The following DDT variants were observed in gnomAD, a reference collection of about 807,000 sequenced individuals.
DDT encodes the protein D-dopachrome tautomerase, also known as D-dopachrome decarboxylase.
In DDT, 4 loss-of-function variants were observed where a neutral mutation model predicts 2.5. The observed-to-expected ratio is 1.59, with a 90% CI of 0.78 to 3.63. The LOEUF (loss-of-function observed/expected upper bound fraction) is 3.63, where lower values mean the gene tolerates loss of function less well. Ranked by LOEUF, DDT falls within the 30% of genes most tolerant of loss-of-function variation. The pLI is 0.01. For missense variants in DDT, 32 were observed against 30.0 expected, an observed-to-expected ratio of 1.07 and a Z score of -0.15; for synonymous variants, 11 against 10.0, an observed-to-expected ratio of 1.10 and a Z score of -0.19.
intron 2 of DDT, chr22:23,971,944 C>G (rs2033913715): frequency 3.9e-6 from 1 of 254,994 alleles, no homozygotes; most frequent in Non-Finnish European, 7.3e-6. Flanking sequence ...ATTGCAGGCT[C>G]CCTAAGGGCA....
intron 2 of DDT, chr22:23,972,069 G>A (rs9612528): frequency 0.095 from 61,981 of 653,882 alleles, 3,279 homozygotes; most frequent in Non-Finnish European, 0.11. Context: ...AGAGGTAACA[G>A]CAAGTTTCCA....
At chr22:23,972,043 T>A in intron 2 of DDT, 1 of 434,938 alleles carries the variant, frequency 2.3e-6, no homozygotes, top group Non-Finnish European at 3.1e-6. Context: ...GGGCCATAAG[T>A]GAACATGCCC....
chr22:23,971,483 A>T lies in DDT; in HGVS notation c.*68T>A. On this transcript the variant is annotated 3_prime_UTR_variant, in exon 3 of 3. Coordinates refer to ENST00000398344, the MANE Select transcript of DDT (RefSeq NM_001084392.3). The stretch of plus-strand genomic sequence containing the variant: ...CAAAGCTGGTTATCTCCAGGCCCTC[A>T]CTCTGCCAAGAGATCTCTCTGGAAG... 6.2e-7 allele frequency: 1 copy of T among 1,608,430 alleles called. No homozygotes were observed. The highest frequency in any genetic ancestry group is 1.1e-5 in the South Asian group (1 of 90,592).
At position 23,971,425 on chromosome 22, in the gene DDT, T is replaced by C. The variant is rs2033898717; in HGVS notation, c.*126A>G. ...CATATGAGGATGAAGAAGAGGATTA[T>C]GTGATCACAGGAATGTTGCATGCGG... is the stretch of plus-strand genomic sequence containing the variant. On this transcript the variant is annotated 3_prime_UTR_variant, in exon 3 of 3. Coordinates refer to ENST00000398344, the MANE Select transcript of DDT (RefSeq NM_001084392.3). The C allele has an allele frequency of 1.2e-6, 2 of 1,612,010 alleles. No individual in the cohort carries two copies. Among genetic ancestry groups the C allele is most frequent in the East Asian group, 4.5e-5 (2 of 44,866 alleles).
chr22:23,971,400 C>A lies in DDT; in HGVS notation c.*151G>T, dbSNP rs771427095. 3 of 1,613,354 alleles carry A rather than the reference C, an allele frequency of 1.9e-6. No homozygotes were observed. The East Asian group carries it at 6.7e-5, about 36-fold the overall frequency. The stretch of plus-strand genomic sequence containing the variant: ...ATGAGGAAGCTCTCTTCATTTATTT[C>A]ATATGAGGATGAAGAAGAGGATTAT... On this transcript the variant is annotated 3_prime_UTR_variant, in exon 3 of 3. Transcript: ENST00000398344.
At chr22:23,971,735 AC>A in intron 2 of DDT, 112 bp from the exon 3 acceptor site, 5 of 965,776 alleles carry the variant, frequency 5.2e-6, no homozygotes, top group South Asian at 3.3e-5. Flanking sequence ...GCCTCAGTCC[AC>A]CAGGCATTTT....
rs1353483021 is a variant in DDT, at chr22:23,971,881, G to A, written c.285-258C>T. On this transcript the variant is annotated intron_variant, in intron 2 of 2. Coordinates refer to ENST00000398344, the MANE Select transcript of DDT (RefSeq NM_001084392.3). Reference sequence around the variant, plus strand: ...ATACAGTAGCCTCGGTGTGTGTGCCGTACACTCTATCATCTCCATCAGTTT... The same window carrying A: ...ATACAGTAGCCTCGGTGTGTGTGCCATACACTCTATCATCTCCATCAGTTT... 18 of 462,924 alleles carry A rather than the reference G, an allele frequency of 3.9e-5. 1 individual carries two copies. The highest frequency in any genetic ancestry group is 2.9e-4 in the East Asian group (7 of 24,420). The allele number at this position is 462,924 out of a possible 1,614,324, so 28.7% of individuals were successfully genotyped here.
chr22:23,972,034 G>T (rs939001147), intron 2 of DDT: 79 of 374,396 alleles, frequency 2.1e-4, no homozygotes, highest in South Asian at 5.3e-4. Flanking sequence ...CTAATGTCTG[G>T]GCCATAAGTG....
Position 23,971,489 on chromosome 22 carries a change from C to T in DDT, c.*62G>A, listed in dbSNP as rs2033900886. ...TGGTTATCTCCAGGCCCTCACTCTG[C>T]CAAGAGATCTCTCTGGAAGAAGCAG... On this transcript the variant is annotated 3_prime_UTR_variant, in exon 3 of 3. Coordinates refer to ENST00000398344, the MANE Select transcript of DDT (RefSeq NM_001084392.3). 1 of 1,608,942 alleles carries T rather than the reference C, an allele frequency of 6.2e-7. No individual in the cohort carries two copies. Among genetic ancestry groups the T allele is most frequent in the East Asian group, 2.2e-5 (1 of 44,812 alleles).
Position 23,971,518 on chromosome 22 carries a change from G to C in DDT, c.*33C>G. ...GAGATCTCTCTGGAAGAAGCAGCCA[G>C]TTCACAGATGCCCTGGATCCCTCCG... is the stretch of plus-strand genomic sequence containing the variant. On this transcript the variant is annotated 3_prime_UTR_variant, in exon 3 of 3. Coordinates refer to ENST00000398344, the MANE Select transcript of DDT (RefSeq NM_001084392.3). The C allele has an allele frequency of 6.2e-7, 1 of 1,612,566 alleles. No individual in the cohort carries two copies. The highest frequency in any genetic ancestry group is 8.5e-7 in the Non-Finnish European group (1 of 1,179,046).
intron 2 of DDT, 64 bp from the exon 3 acceptor site, chr22:23,971,687 CT>C (rs2033907556): frequency 6.9e-7 from 1 of 1,452,626 alleles, no homozygotes; most frequent in Non-Finnish European, 9.5e-7. Flanking sequence ...TGCAAGACCC[CT>C]GCCAGGTACT....
At chr22:23,971,880 C>G (rs115319739) in intron 2 of DDT, 2 of 467,764 alleles carry the variant, frequency 4.3e-6, no homozygotes, top group Non-Finnish European at 7.6e-6. Context: ...GTGTGTGTGC[C>G]GTACACTCTA....
chr22:23,972,066 A>G, intron 2 of DDT: 1 of 621,590 alleles, frequency 1.6e-6, no homozygotes, highest in Middle Eastern at 8.0e-4. Flanking sequence ...CTCAGAGGTA[A>G]CAGCAAGTTT....
At chr22:23,972,020 G>T in intron 2 of DDT, 1 of 321,684 alleles carries the variant, frequency 3.1e-6, no homozygotes, top group Non-Finnish European at 4.5e-6. Context: ...CACCAACCCC[G>T]CCACTAATGT....
At position 23,972,547 on chromosome 22, in the gene DDT, C is replaced by T. The variant is rs1296418389; in HGVS notation, c.285-924G>A. ...ATAATGACAAGGAATAAAGTCTATA[C>T]GTATTTTCAGTATAGATGCAATTAT... On this transcript the variant is annotated intron_variant, in intron 2 of 2. Coordinates refer to ENST00000398344, the MANE Select transcript of DDT (RefSeq NM_001084392.3). The T allele has an allele frequency of 7.2e-5, 71 of 985,406 alleles. No individual in the cohort carries two copies. The South Asian group carries it at 1.1e-3, about 15-fold the overall frequency. The allele number at this position is 985,406 out of a possible 1,614,324, so 61.0% of individuals were successfully genotyped here. A position where few individuals can be genotyped will look rare whatever the true frequency, so the allele number is the denominator to read the frequency against.
chr22:23,971,444 C>G lies in DDT; in HGVS notation c.*107G>C. 8.1e-6 allele frequency: 13 copies of G among 1,608,212 alleles called. No homozygotes were observed. Among genetic ancestry groups the G allele is most frequent in the Non-Finnish European group, 1.0e-5 (12 of 1,176,290 alleles). On this transcript the variant is annotated 3_prime_UTR_variant, in exon 3 of 3. Coordinates refer to ENST00000398344, the MANE Select transcript of DDT (RefSeq NM_001084392.3). ...GGATTATGTGATCACAGGAATGTTG[C>G]ATGCGGGATAATCCAAAGCTGGTTA...
chr22:23,971,970 C>T (rs1269594867), intron 2 of DDT: 2 of 217,694 alleles, frequency 9.2e-6, no homozygotes, highest in East Asian at 2.7e-4. Flanking sequence ...CCTCAGCCAC[C>T]TGTTTTCTCA....
upstream of DDT, among the ~76,000 whole-genome samples, chr22:23,975,370 C>G (rs2033943174): frequency 6.8e-6 from 1 of 147,418 alleles, no homozygotes; most frequent in Admixed American, 6.7e-5. Context: ...GCCTGGGTGA[C>G]AGAGCGAGAC....
rs1038342504 is a variant in DDT at position 23,971,408 on chromosome 22, G to A, written c.*143C>T. On this transcript the variant is annotated 3_prime_UTR_variant, in exon 3 of 3. Transcript: ENST00000398344. ...GCTCTCTTCATTTATTTCATATGAG[G>A]ATGAAGAAGAGGATTATGTGATCAC... is the stretch of plus-strand genomic sequence containing the variant. The A allele has an allele frequency of 6.2e-7, 1 of 1,613,148 alleles. No homozygotes were observed.
Sources: gnomAD v4.1 joint callset for allele counts (sites outside exome capture counted in the v4.1 genomes callset) on GRCh38, gnomAD v4.1.1 for gene constraint, MANE v1.5 for transcripts, NCBI Gene and HGNC (gene_info 2026-07-23, HGNC 2026-07-21) for gene names.